The following C10orf90 variants were observed in gnomAD, a reference collection of about 807,000 sequenced individuals.
The protein encoded by C10orf90 is (E2-independent) E3 ubiquitin-conjugating enzyme FATS.
A neutral mutation model predicts 62.5 loss-of-function variants in C10orf90; 56 were observed. The observed-to-expected ratio is 0.90, with a 90% CI of 0.72 to 1.12. The LOEUF (loss-of-function observed/expected upper bound fraction) is 1.12, where lower values mean the gene tolerates loss of function less well. Ranked by LOEUF, C10orf90 falls within the 50% of genes most tolerant of loss-of-function variation. C10orf90 has a pLI of 0.00. For missense variants in C10orf90, 970 were observed against 880.4 expected (o/e 1.10, Z -1.29); for synonymous variants, 386 against 340.4 (o/e 1.13, Z -1.47).
At chr10:126,667,733 C>T (rs79382315) in intron 1 of C10orf90, among the ~76,000 whole-genome samples, 1 of 152,168 alleles carries the variant, frequency 6.6e-6, no homozygotes, top group African/African-American at 2.4e-5. Context: ...GCTTGCCATG[C>T]GGACAGAAGG....
intron 1 of C10orf90, among the ~76,000 whole-genome samples, chr10:126,657,877 A>G (rs891083292): frequency 2.0e-5 from 3 of 152,032 alleles, no homozygotes; most frequent in Non-Finnish European, 2.9e-5. Context: ...CGGCCTCCCA[A>G]TGTGCTAGGA....
At chr10:126,647,371 A>G (rs1464568987) in intron 1 of C10orf90, among the ~76,000 whole-genome samples, 1 of 152,218 alleles carries the variant, frequency 6.6e-6, no homozygotes, top group Admixed American at 6.5e-5. Context: ...GTCATAGAGC[A>G]TGAGCTGGGC....
chr10:126,555,433 A>G (rs893095), intron 2 of C10orf90, among the ~76,000 whole-genome samples: 117,022 of 151,776 alleles, frequency 0.77, 45,292 homozygotes, highest in African/African-American at 0.84. Flanking sequence ...AACACTTTGG[A>G]AGGCTGAGGC....
chr10:126,526,401 C>T (rs1393841551), intron 2 of C10orf90, among the ~76,000 whole-genome samples: 1 of 152,024 alleles, frequency 6.6e-6, no homozygotes, highest in African/African-American at 2.4e-5. Flanking sequence ...CCCACCACCA[C>T]ACCCGGCTAA....
At chr10:126,532,710 G>A (rs999140783) in intron 2 of C10orf90, among the ~76,000 whole-genome samples, 1 of 150,196 alleles carries the variant, frequency 6.7e-6, no homozygotes, top group African/African-American at 2.4e-5. Context: ...GGTGGCGGGT[G>A]CCTGTAGTCC....
rs115745174 is a variant in C10orf90 at position 126,661,547 on chromosome 10, G to A, written c.240+8694C>T. The stretch of plus-strand genomic sequence containing the variant: ...CTTGGTTTGGCTGAAATGTGGATAT[G>A]GTTTCCCCACAAGTTCCCAATTCCC... On this transcript the variant is annotated intron_variant, in intron 1 of 9. Coordinates refer to ENST00000488181, the MANE Select transcript of C10orf90 (RefSeq NM_001350921.2). 2.9e-3 allele frequency among the ~76,000 whole-genome samples: 439 copies of A among 152,176 alleles called. 3 individuals carry two copies. Among genetic ancestry groups the A allele is most frequent in the African/African-American group, 0.01 (421 of 41,520 alleles).
At chr10:126,660,448 A>G (rs7920019) in intron 1 of C10orf90, among the ~76,000 whole-genome samples, 1,644 of 152,332 alleles carry the variant, frequency 0.011, 23 homozygotes, top group African/African-American at 0.037. Flanking sequence ...AGCCTCAGAC[A>G]GGGACCTGAA....
chr10:126,452,708 AAAACC>A (rs1414351421), intron 7 of C10orf90, among the ~76,000 whole-genome samples: 1 of 152,268 alleles, frequency 6.6e-6, no homozygotes, highest in East Asian at 1.9e-4. Context: ...ATAAAAACAT[AAAACC>A]TCACAGTGTC....
intron 1 of C10orf90, among the ~76,000 whole-genome samples, chr10:126,657,283 A>G (rs145072772): frequency 4.8e-4 from 73 of 152,316 alleles, no homozygotes; most frequent in African/African-American, 1.7e-3. Flanking sequence ...CCTGAACAGC[A>G]TCTCTGTACT....
intron 2 of C10orf90, among the ~76,000 whole-genome samples, chr10:126,594,786 T>C (rs1293923033): frequency 6.6e-6 from 1 of 151,994 alleles, no homozygotes; most frequent in Admixed American, 6.6e-5. Flanking sequence ...CAGGAAGGGT[T>C]TGCTGTGTTC....
At chr10:126,517,828 TG>T (rs2133930941) in intron 2 of C10orf90, among the ~76,000 whole-genome samples, 1 of 150,228 alleles carries the variant, frequency 6.7e-6, no homozygotes, top group African/African-American at 2.5e-5. Flanking sequence ...GAGAATCGCT[TG>T]AACCCAGGAG....
intron 2 of C10orf90, among the ~76,000 whole-genome samples, chr10:126,514,925 T>A (rs1407536362): frequency 6.6e-6 from 1 of 152,152 alleles, no homozygotes; most frequent in African/African-American, 2.4e-5. Context: ...GGGTAACCAC[T>A]CTGCCTCTGC....
intron 2 of C10orf90, among the ~76,000 whole-genome samples, chr10:126,573,684 A>G (rs1452105676): frequency 1.3e-5 from 2 of 152,118 alleles, no homozygotes; most frequent in African/African-American, 4.8e-5. Context: ...GGATGTCTCC[A>G]ATGAGAGCAT....
intron 2 of C10orf90, among the ~76,000 whole-genome samples, chr10:126,557,570 G>A (rs1380611786): frequency 1.3e-5 from 2 of 151,528 alleles, no homozygotes; most frequent in Non-Finnish European, 2.9e-5. Context: ...TTTGAGGTCT[G>A]TCCTTTCCTC....
chr10:126,548,787 G>C (rs1348385681), intron 2 of C10orf90, among the ~76,000 whole-genome samples: 1 of 147,314 alleles, frequency 6.8e-6, no homozygotes, highest in Non-Finnish European at 1.5e-5. Context: ...CTGTCGCCCA[G>C]GCTGGAGTGC....
At chr10:126,501,423 T>C (rs559482720) in intron 4 of C10orf90, among the ~76,000 whole-genome samples, 17 of 152,158 alleles carry the variant, frequency 1.1e-4, no homozygotes, top group African/African-American at 4.1e-4. Context: ...TGTGCATTTG[T>C]AGGCATCCGA....
chr10:126,609,676 G>C (rs566475285), intron 2 of C10orf90, among the ~76,000 whole-genome samples: 3 of 152,222 alleles, frequency 2.0e-5, no homozygotes, highest in Non-Finnish European at 1.5e-5. Context: ...AGGGACAGGA[G>C]GGCCTTAGGA....
At chr10:126,500,905 C>G (rs1802651424) in intron 4 of C10orf90, among the ~76,000 whole-genome samples, 1 of 152,164 alleles carries the variant, frequency 6.6e-6, no homozygotes, top group Non-Finnish European at 1.5e-5. Context: ...TGCTTTGCCT[C>G]TGTTTGTAGA....
At position 126,594,421 on chromosome 10, in the gene C10orf90, AG is replaced by A. The variant is rs1032424599; in HGVS notation, c.313+52143del. ...TTGGATTGGGAAGATGAGTGTGGACAGGGGACATCCTCCTGAGTTATGTGAC... is the reference window on the plus strand; with the variant it reads ...TTGGATTGGGAAGATGAGTGTGGACAGGGACATCCTCCTGAGTTATGTGAC... On this transcript the variant is annotated intron_variant, in intron 2 of 9. Coordinates refer to ENST00000488181, the MANE Select transcript of C10orf90 (RefSeq NM_001350921.2). Among the ~76,000 whole-genome samples, 4 of 152,156 alleles carry A rather than the reference AG, an allele frequency of 2.6e-5. 1 individual carries two copies. The highest frequency in any genetic ancestry group is 2.1e-4 in the South Asian group (1 of 4,826).
Sources: gnomAD v4.1 joint callset for allele counts (sites outside exome capture counted in the v4.1 genomes callset) on GRCh38, gnomAD v4.1.1 for gene constraint, MANE v1.5 for transcripts, NCBI Gene and HGNC (gene_info 2026-07-23, HGNC 2026-07-21) for gene names.